PEX5L: variants seen among roughly 807,000 people sequenced by gnomAD.
PEX5L encodes the protein PEX5-related protein.
Under a neutral mutation model 84.0 loss-of-function variants are expected in PEX5L, and 30 were observed. The observed-to-expected ratio is 0.36, with a 90% CI of 0.27 to 0.48. The LOEUF is 0.48. Among genes scored for constraint, PEX5L ranks in the 20% least tolerant of loss-of-function variants. The probability of loss-of-function intolerance (pLI) is 0.99; values close to 1 mark genes in which losing one functional copy is unlikely to be tolerated. For missense variants in PEX5L, 533 were observed against 754.6 expected (o/e 0.71, Z 3.44); for synonymous variants, 270 against 283.1 (o/e 0.95, Z 0.46).
At chr3:179,810,375 T>A (rs1426182096) in intron 11 of PEX5L, among the ~76,000 whole-genome samples, 1 of 152,148 alleles carries the variant, frequency 6.6e-6, no homozygotes, top group African/African-American at 2.4e-5. Context: ...CATCTAGATA[T>A]GAAAGATTTT....
intron 1 of PEX5L, among the ~76,000 whole-genome samples, chr3:180,024,152 G>T (rs932326823): frequency 4.2e-4 from 64 of 151,860 alleles, no homozygotes; most frequent in African/African-American, 1.5e-3. Context: ...TCTCCTTTTA[G>T]AAAGACCTCT....
chr3:179,851,811 CA>C (rs1363993250), intron 8 of PEX5L, among the ~76,000 whole-genome samples: 3 of 152,136 alleles, frequency 2.0e-5, no homozygotes, highest in East Asian at 3.9e-4. Context: ...TGGACTGTCA[CA>C]AAAAAGGTTT....
chr3:179,916,760 C>T (rs1767277175), intron 2 of PEX5L, among the ~76,000 whole-genome samples: 1 of 152,082 alleles, frequency 6.6e-6, no homozygotes, highest in Admixed American at 6.5e-5. Flanking sequence ...ACCTCTGCCT[C>T]CTAAGTTCAA....
chr3:179,966,900 C>T (rs937969883), intron 2 of PEX5L, among the ~76,000 whole-genome samples: 1 of 152,136 alleles, frequency 6.6e-6, no homozygotes, highest in Non-Finnish European at 1.5e-5. Context: ...CTTCTCATGC[C>T]TGGTAGACGT....
At chr3:179,864,581 A>C (rs562200757) in intron 7 of PEX5L, among the ~76,000 whole-genome samples, 44 of 152,212 alleles carry the variant, frequency 2.9e-4, no homozygotes, top group African/African-American at 1.0e-3. Flanking sequence ...AATTTCAGTT[A>C]GATAGGAGGA....
chr3:179,802,401 G>T (rs978716468), intron 14 of PEX5L, among the ~76,000 whole-genome samples: 1 of 151,652 alleles, frequency 6.6e-6, no homozygotes, highest in Non-Finnish European at 1.5e-5. Context: ...CAGGTGTAGT[G>T]GCATGCCCCT....
At chr3:179,887,839 T>A in intron 3 of PEX5L, 55 bp from the exon 4 acceptor site, 2 of 1,117,094 alleles carry the variant, frequency 1.8e-6, no homozygotes, top group African/African-American at 3.1e-5. Context: ...CAGAGTCAGA[T>A]GAATTAAAAT....
intron 2 of PEX5L, among the ~76,000 whole-genome samples, chr3:179,947,747 C>T (rs1334930724): frequency 7.1e-6 from 1 of 140,170 alleles, no homozygotes; most frequent in Non-Finnish European, 1.5e-5. Context: ...CACTCTGTCG[C>T]CTAGGCTGGA....
rs145624629 is a variant in PEX5L at position 179,817,635 on chromosome 3, A to G, written c.940-1631T>C. 8.6e-3 allele frequency among the ~76,000 whole-genome samples: 1,306 copies of G among 152,340 alleles called. 13 individuals carry two copies. Among genetic ancestry groups the G allele is most frequent in the South Asian group, 0.015 (72 of 4,824 alleles). On this transcript the variant is annotated intron_variant, in intron 9 of 14. Coordinates refer to ENST00000467460, the MANE Select transcript of PEX5L (RefSeq NM_016559.3). ...AACTCTCATCTGAAGTATCTGAGAGATGTTATTTGTTGCAATTTTACTTGC... is the reference window on the plus strand; with the variant it reads ...AACTCTCATCTGAAGTATCTGAGAGGTGTTATTTGTTGCAATTTTACTTGC...
chr3:179,843,329 CT>C (rs1738021287), intron 8 of PEX5L, among the ~76,000 whole-genome samples: 1 of 152,172 alleles, frequency 6.6e-6, no homozygotes, highest in Admixed American at 6.5e-5. Flanking sequence ...ATCACAATCT[CT>C]GGGGATGGGA....
At chr3:179,856,735 C>T (rs942370358) in intron 8 of PEX5L, among the ~76,000 whole-genome samples, 1 of 152,228 alleles carries the variant, frequency 6.6e-6, no homozygotes, top group East Asian at 1.9e-4. Context: ...TTCTGGTGGG[C>T]ACCATTTCCC....
At chr3:180,024,541 T>C in intron 1 of PEX5L, among the ~76,000 whole-genome samples, 1 of 115,712 alleles carries the variant, frequency 8.6e-6, no homozygotes, top group East Asian at 2.1e-4. Context: ...CGAGACTCCG[T>C]TTCAAAAAAA....
At chr3:179,873,298 T>C (rs1750999982) in intron 7 of PEX5L, among the ~76,000 whole-genome samples, 1 of 152,186 alleles carries the variant, frequency 6.6e-6, no homozygotes, top group Non-Finnish European at 1.5e-5. Context: ...GCTATTATTA[T>C]AATTATTTGT....
chr3:179,862,475 G>A (rs1350991789), intron 7 of PEX5L, among the ~76,000 whole-genome samples: 1 of 152,142 alleles, frequency 6.6e-6, no homozygotes, highest in Non-Finnish European at 1.5e-5. Flanking sequence ...ATATCTTATT[G>A]TCTTGTAGAA....
intron 2 of PEX5L, among the ~76,000 whole-genome samples, chr3:179,957,530 A>G (rs1260812109): frequency 6.6e-6 from 1 of 152,212 alleles, no homozygotes; most frequent in Non-Finnish European, 1.5e-5. Context: ...AACTTGGGAT[A>G]AACTAGCTCT....
At chr3:179,817,028 C>T (rs924178104) in intron 9 of PEX5L, among the ~76,000 whole-genome samples, 3 of 152,040 alleles carry the variant, frequency 2.0e-5, no homozygotes, top group African/African-American at 7.2e-5. Context: ...TAAGTGCTAC[C>T]ACCCATACCC....
At chr3:179,953,797 A>G (rs920786318) in intron 2 of PEX5L, among the ~76,000 whole-genome samples, 1 of 152,176 alleles carries the variant, frequency 6.6e-6, no homozygotes, top group African/African-American at 2.4e-5. Flanking sequence ...TCGCCGATGG[A>G]TGAAATAGGA....
At chr3:179,879,815 G>C (rs1181978698) in intron 5 of PEX5L, 114 bp downstream of exon 5, 9 of 672,766 alleles carry the variant, frequency 1.3e-5, no homozygotes, top group Non-Finnish European at 2.2e-5. Context: ...TTCCACCATG[G>C]AATGCCTTTT....
At chr3:179,995,452 T>C (rs752869295) in intron 1 of PEX5L, among the ~76,000 whole-genome samples, 2 of 152,082 alleles carry the variant, frequency 1.3e-5, no homozygotes, top group African/African-American at 2.4e-5. Flanking sequence ...AGAACACTGA[T>C]AGTCCTTAGT....
Sources: allele counts gnomAD v4.1 joint callset (sites outside exome capture counted in the v4.1 genomes callset), GRCh38; gene constraint gnomAD v4.1.1; transcripts MANE v1.5; gene names NCBI Gene and HGNC (gene_info 2026-07-23, HGNC 2026-07-21).